Variants in ARSB observed in about 807,000 individuals in gnomAD.
ARSB encodes the protein arylsulfatase B.
Under a neutral mutation model 50.9 loss-of-function variants are expected in ARSB, and 41 were observed. That is an observed-to-expected ratio of 0.81 (90% CI 0.63 to 1.04). ARSB has a LOEUF of 1.04. ARSB is among the 50% of genes least tolerant of loss of function. The probability of loss-of-function intolerance (pLI) is 0.00; values close to 1 mark genes in which losing one functional copy is unlikely to be tolerated. For synonymous variants in ARSB, 269 were observed against 284.8 expected (o/e 0.94, Z 0.56); for missense variants, 672 against 693.3 (o/e 0.97, Z 0.35).
intron 3 of ARSB, among the ~76,000 whole-genome samples, chr5:78,956,144 T>C (rs371512936): frequency 3.3e-5 from 5 of 152,210 alleles, no homozygotes; most frequent in African/African-American, 1.2e-4. Context: ...AATTGATGAA[T>C]GGATAAACAA....
intron 5 of ARSB, among the ~76,000 whole-genome samples, chr5:78,845,996 A>T (rs373029387): frequency 2.0e-5 from 3 of 152,108 alleles, no homozygotes; most frequent in African/African-American, 7.2e-5. Flanking sequence ...GTTTTCTTTC[A>T]GGAGTTTCAT....
At chr5:78,918,286 T>A (rs1749648766) in intron 4 of ARSB, among the ~76,000 whole-genome samples, 1 of 152,208 alleles carries the variant, frequency 6.6e-6, no homozygotes, top group Non-Finnish European at 1.5e-5. Flanking sequence ...GTGAGGTTTT[T>A]TTATTAAGTT....
At chr5:78,852,654 T>G (rs902223834) in intron 5 of ARSB, among the ~76,000 whole-genome samples, 22 of 152,316 alleles carry the variant, frequency 1.4e-4, no homozygotes, top group South Asian at 6.2e-4. Flanking sequence ...CAGAGTGTTT[T>G]CCAACTTGCT....
chr5:78,894,359 A>T (rs1008759428), intron 4 of ARSB, among the ~76,000 whole-genome samples: 1 of 152,252 alleles, frequency 6.6e-6, no homozygotes, highest in East Asian at 1.9e-4. Flanking sequence ...CAAGTATATA[A>T]TACAAGTTAA....
intron 5 of ARSB, 173 bp downstream of exon 5, chr5:78,885,411 A>G (rs934362599): frequency 2.2e-6 from 2 of 925,068 alleles, no homozygotes; most frequent in African/African-American, 3.3e-5. Context: ...TCAAATTTAT[A>G]ATTTAAAAAT....
chr5:78,813,156 C>G (rs578041442), intron 6 of ARSB, among the ~76,000 whole-genome samples: 31 of 151,980 alleles, frequency 2.0e-4, no homozygotes, highest in Non-Finnish European at 4.1e-4. Context: ...CCTCTGCCTC[C>G]CGGGTTCAAG....
In ARSB at chr5:78,902,577, T is replaced by C. The variant is rs114150456; in HGVS notation, c.899-16750A>G. ...ATGTATAGCAATAAAAGGGATATTA[T>C]GCATCAGCAAAAAGAAATGAAATAC... On this transcript the variant is annotated intron_variant, in intron 4 of 7. Coordinates refer to ENST00000264914, the MANE Select transcript of ARSB (RefSeq NM_000046.5). 2.3e-3 allele frequency among the ~76,000 whole-genome samples: 348 copies of C among 152,336 alleles called. 2 individuals are homozygous for C. The highest frequency in any genetic ancestry group is 7.6e-3 in the African/African-American group (318 of 41,572).
intron 4 of ARSB, among the ~76,000 whole-genome samples, chr5:78,895,731 C>T (rs1208071819): frequency 6.6e-6 from 1 of 152,214 alleles, no homozygotes; most frequent in Non-Finnish European, 1.5e-5. Flanking sequence ...GTAATTTTGT[C>T]ACCCTGTGAC....
chr5:78,917,217 T>G (rs1424370751), intron 4 of ARSB, among the ~76,000 whole-genome samples: 1 of 152,214 alleles, frequency 6.6e-6, no homozygotes, highest in East Asian at 1.9e-4. Flanking sequence ...TTGGATACAT[T>G]GTGCCAAAGT....
chr5:78,955,273 A>G (rs751323091), intron 4 of ARSB, 22 bp downstream of exon 4: 183 of 1,612,540 alleles, frequency 1.1e-4, no homozygotes, highest in Non-Finnish European at 1.3e-4. Context: ...CCAAGAGATG[A>G]TTTTCCTATT....
intron 5 of ARSB, 72 bp from the exon 6 acceptor site, chr5:78,839,498 T>C (rs776493687): frequency 1.5e-6 from 2 of 1,365,838 alleles, no homozygotes; most frequent in Admixed American, 1.7e-5. Context: ...ATACTTCCCT[T>C]CCTTGTACTT....
At chr5:78,890,285 C>G (rs1003124265) in intron 4 of ARSB, among the ~76,000 whole-genome samples, 4 of 148,328 alleles carry the variant, frequency 2.7e-5, no homozygotes, top group African/African-American at 1.0e-4. Context: ...AAGTCTCACT[C>G]CTCCAACCAG....
At chr5:78,896,624 G>A (rs557400531) in intron 4 of ARSB, among the ~76,000 whole-genome samples, 20 of 152,340 alleles carry the variant, frequency 1.3e-4, no homozygotes, top group African/African-American at 4.8e-4. Flanking sequence ...CGAAATAGAA[G>A]TTAAATCCAT....
chr5:78,793,518 A>G (rs1430243917), intron 6 of ARSB, among the ~76,000 whole-genome samples: 3 of 152,228 alleles, frequency 2.0e-5, no homozygotes, highest in Non-Finnish European at 4.4e-5. Context: ...GAATTTCAGA[A>G]TGGAAGAAAC....
chr5:78,854,441 T>A (rs1361839347), intron 5 of ARSB, among the ~76,000 whole-genome samples: 2 of 152,262 alleles, frequency 1.3e-5, no homozygotes, highest in Non-Finnish European at 2.9e-5. Flanking sequence ...TTTTCATTTC[T>A]TTCAAGACAT....
At chr5:78,949,336 T>G (rs955655295) in intron 4 of ARSB, among the ~76,000 whole-genome samples, 1 of 152,238 alleles carries the variant, frequency 6.6e-6, no homozygotes, top group South Asian at 2.1e-4. Context: ...GGACTCAACA[T>G]TTATTGATTT....
At chr5:78,953,929 C>T (rs1751591368) in intron 4 of ARSB, among the ~76,000 whole-genome samples, 1 of 151,956 alleles carries the variant, frequency 6.6e-6, no homozygotes, top group Non-Finnish European at 1.5e-5. Context: ...TTTGGGGAAA[C>T]AAGTTATGAC....
chr5:78,784,656 A>G lies in ARSB; in HGVS notation c.1214-2682T>C, dbSNP rs576991052. Among the ~76,000 whole-genome samples the G allele has an allele frequency of 4.6e-5, 7 of 152,280 alleles. No homozygotes were observed. In the East Asian group the frequency reaches 1.2e-3, roughly 25 times the overall value. On this transcript the variant is annotated intron_variant, in intron 6 of 7. Coordinates refer to ENST00000264914, the MANE Select transcript of ARSB (RefSeq NM_000046.5). ...ATTTTATTAGGAATTTGTGTAGTACATGTGAACTTTTGTTTTGTATTATCT... is the reference window on the plus strand; with the variant it reads ...ATTTTATTAGGAATTTGTGTAGTACGTGTGAACTTTTGTTTTGTATTATCT...
At chr5:78,886,348 A>G (rs1748032204) in intron 4 of ARSB, among the ~76,000 whole-genome samples, 1 of 152,254 alleles carries the variant, frequency 6.6e-6, no homozygotes, top group Admixed American at 6.5e-5. Context: ...CTCTGGCAAT[A>G]ATATCTCTTT....
Sources: gnomAD v4.1 joint callset for allele counts (sites outside exome capture counted in the v4.1 genomes callset) on GRCh38, gnomAD v4.1.1 for gene constraint, MANE v1.5 for transcripts, NCBI Gene and HGNC (gene_info 2026-07-23, HGNC 2026-07-21) for gene names.